The following CXCL13 variants were observed in gnomAD, a reference collection of about 807,000 sequenced individuals.
CXCL13 encodes the protein C-X-C motif chemokine ligand 13.
Under a neutral mutation model 12.2 loss-of-function variants are expected in CXCL13, and 7 were observed. That is an observed-to-expected ratio of 0.57 (90% CI 0.33 to 1.07). The LOEUF is 1.07. Among genes scored for constraint, CXCL13 ranks in the 50% least tolerant of loss-of-function variants. CXCL13 has a pLI of 0.04. For missense variants in CXCL13, 113 were observed against 127.4 expected (o/e 0.89, Z 0.55); for synonymous variants, 47 against 42.4 (o/e 1.11, Z -0.42).
chr4:77,521,865 T>C (rs1305475901), intron 1 of CXCL13, among the ~76,000 whole-genome samples: 1 of 152,226 alleles, frequency 6.6e-6, no homozygotes, highest in African/African-American at 2.4e-5. Context: ...TAAATTTTCC[T>C]CTACACACTG....
intron 1 of CXCL13, among the ~76,000 whole-genome samples, chr4:77,519,979 C>T (rs1724546003): frequency 6.6e-6 from 1 of 152,222 alleles, no homozygotes; most frequent in African/African-American, 2.4e-5. Context: ...GGAATGCTTT[C>T]TCCATTTCTT....
intron 1 of CXCL13, among the ~76,000 whole-genome samples, chr4:77,558,265 G>A (rs1037391241): frequency 7.2e-5 from 11 of 152,250 alleles, no homozygotes; most frequent in Non-Finnish European, 1.5e-4. Flanking sequence ...TTGATCCTGA[G>A]ATGGGCACCT....
At chr4:77,518,163 C>T (rs982651782) in intron 1 of CXCL13, among the ~76,000 whole-genome samples, 18 of 152,108 alleles carry the variant, frequency 1.2e-4, no homozygotes, top group African/African-American at 2.2e-4. Context: ...CTGAGAGATC[C>T]GCTGTTAGTC....
At chr4:77,521,398 G>C (rs1241232515) in intron 1 of CXCL13, among the ~76,000 whole-genome samples, 2 of 152,154 alleles carry the variant, frequency 1.3e-5, no homozygotes, top group Non-Finnish European at 1.5e-5. Flanking sequence ...TTCAGAGACT[G>C]TTATTGGTCT....
intron 1 of CXCL13, among the ~76,000 whole-genome samples, chr4:77,514,022 T>A (rs13142397): frequency 6.6e-6 from 1 of 152,188 alleles, no homozygotes; most frequent in South Asian, 2.1e-4. Context: ...GTTCTCATTG[T>A]TCAATTCCCA....
intron 1 of CXCL13, among the ~76,000 whole-genome samples, chr4:77,532,312 G>T (rs922981137): frequency 1.3e-5 from 2 of 152,114 alleles, no homozygotes; most frequent in Admixed American, 1.3e-4. Context: ...ATGAAGCTTA[G>T]TTTGGCTGGA....
At chr4:77,582,774 C>T (rs1466526216) in intron 1 of CXCL13, among the ~76,000 whole-genome samples, 2 of 151,966 alleles carry the variant, frequency 1.3e-5, no homozygotes, top group Admixed American at 6.6e-5. Flanking sequence ...GTGCAGGGGG[C>T]CAGGGAAGAG....
intron 1 of CXCL13, among the ~76,000 whole-genome samples, chr4:77,549,314 A>C (rs1383408340): frequency 2.0e-5 from 3 of 152,066 alleles, no homozygotes; most frequent in Non-Finnish European, 4.4e-5. Context: ...GTTTATTACC[A>C]ATCTTCTGAA....
intron 1 of CXCL13, among the ~76,000 whole-genome samples, chr4:77,525,776 C>G (rs950454990): frequency 2.2e-4 from 33 of 152,260 alleles, no homozygotes; most frequent in African/African-American, 7.5e-4. Context: ...GTCACAGAAA[C>G]TATGCTGCAA....
At chr4:77,522,189 G>T (rs1724618305) in intron 1 of CXCL13, among the ~76,000 whole-genome samples, 2 of 152,162 alleles carry the variant, frequency 1.3e-5, no homozygotes, top group South Asian at 4.2e-4. Flanking sequence ...GTTTTCTGTT[G>T]ATTTGGGGTG....
At chr4:77,544,801 T>C (rs1028209988) in intron 1 of CXCL13, among the ~76,000 whole-genome samples, 6 of 152,238 alleles carry the variant, frequency 3.9e-5, no homozygotes, top group Admixed American at 3.9e-4. Flanking sequence ...TTTTGGTATT[T>C]TAGTCATGAA....
intron 1 of CXCL13, among the ~76,000 whole-genome samples, chr4:77,565,727 A>G (rs1725912021): frequency 6.6e-6 from 1 of 152,108 alleles, no homozygotes; most frequent in Non-Finnish European, 1.5e-5. Context: ...GACCTAAATA[A>G]TTCCTGTGCC....
chr4:77,596,762 G>A, intron 1 of CXCL13, among the ~76,000 whole-genome samples: 1 of 143,878 alleles, frequency 7.0e-6, no homozygotes, highest in East Asian at 2.0e-4. Context: ...TCTAGCCTGG[G>A]CAACAAGAGT....
chr4:77,514,811 T>G (rs1724375016), intron 1 of CXCL13, among the ~76,000 whole-genome samples: 1 of 152,094 alleles, frequency 6.6e-6, no homozygotes, highest in Non-Finnish European at 1.5e-5. Context: ...TTTAGTTTAA[T>G]TAGATCCCAT....
chr4:77,574,124 A>C (rs946548880), intron 1 of CXCL13, among the ~76,000 whole-genome samples: 2 of 151,952 alleles, frequency 1.3e-5, no homozygotes, highest in African/African-American at 4.9e-5. Flanking sequence ...AGTCATCTTA[A>C]AAATGGATAA....
At chr4:77,515,843 T>C (rs1291696518) in intron 1 of CXCL13, among the ~76,000 whole-genome samples, 1 of 152,200 alleles carries the variant, frequency 6.6e-6, no homozygotes, top group African/African-American at 2.4e-5. Context: ...TCCAACACTA[T>C]GTTGAATGGG....
intron 1 of CXCL13, among the ~76,000 whole-genome samples, chr4:77,521,210 A>G (rs562320410): frequency 1.4e-3 from 208 of 152,336 alleles, no homozygotes; most frequent in Non-Finnish European, 2.5e-3. Context: ...AGGCTTTGGT[A>G]TCAGGATGAT....
chr4:77,533,253 G>T (rs1373291836), intron 1 of CXCL13, among the ~76,000 whole-genome samples: 1 of 152,218 alleles, frequency 6.6e-6, no homozygotes, highest in African/African-American at 2.4e-5. Flanking sequence ...CCTTCTAACA[G>T]TCAGGACCCT....
At chr4:77,589,526 A>C (rs1320139138) in intron 1 of CXCL13, among the ~76,000 whole-genome samples, 1 of 145,858 alleles carries the variant, frequency 6.9e-6, no homozygotes, top group Non-Finnish European at 1.5e-5. Context: ...TATACATTAA[A>C]CTTTATTGTA....
Sources: gnomAD v4.1 joint callset for allele counts (sites outside exome capture counted in the v4.1 genomes callset) on GRCh38, gnomAD v4.1.1 for gene constraint, MANE v1.5 for transcripts, NCBI Gene and HGNC (gene_info 2026-07-23, HGNC 2026-07-21) for gene names.